Variants in ANKRD10 observed in about 807,000 individuals in gnomAD.
The protein encoded by ANKRD10 is ankyrin repeat domain-containing protein 10.
In ANKRD10, 14 loss-of-function variants were observed where a neutral mutation model predicts 27.0. That is an observed-to-expected ratio of 0.52 (90% CI 0.34 to 0.81). ANKRD10 has a LOEUF of 0.81. Among genes scored for constraint, ANKRD10 ranks in the 40% least tolerant of loss-of-function variants. ANKRD10 has a pLI of 0.01. For synonymous variants in ANKRD10, 250 were observed against 224.5 expected (o/e 1.11, Z -1.01); for missense variants, 493 against 544.0 (o/e 0.91, Z 0.93).
intron 2 of ANKRD10, among the ~76,000 whole-genome samples, chr13:110,909,633 C>T (rs945950875): frequency 1.3e-5 from 2 of 152,178 alleles, no homozygotes; most frequent in East Asian, 1.9e-4. Flanking sequence ...GGACAAACTG[C>T]CTTATAACTT....
intron 4 of ANKRD10, among the ~76,000 whole-genome samples, chr13:110,885,137 G>A (rs2064893430): frequency 6.6e-6 from 1 of 152,000 alleles, no homozygotes; most frequent in African/African-American, 2.4e-5. Context: ...GTGGATTTTA[G>A]TCTTATCCAT....
chr13:110,879,183 C>A lies in ANKRD10; in HGVS notation c.*454G>T, dbSNP rs2064764106. 1 of 182,918 alleles carries A rather than the reference C, an allele frequency of 5.5e-6. No individual in the cohort carries two copies. The highest frequency in any genetic ancestry group is 1.2e-4 in the South Asian group (1 of 8,410). The allele number at this position is 182,918 out of a possible 1,614,324, so 11.3% of individuals were successfully genotyped here. Reference sequence around the variant, plus strand: ...CTGCAGAAATCTTTGTAAGGCTGTACCTTGCATAGGGAAATAGCTGTGTTC... The same window carrying A: ...CTGCAGAAATCTTTGTAAGGCTGTAACTTGCATAGGGAAATAGCTGTGTTC... On this transcript the variant is annotated 3_prime_UTR_variant, in exon 6 of 6. Coordinates refer to ENST00000267339, the MANE Select transcript of ANKRD10 (RefSeq NM_017664.4).
intron 3 of ANKRD10, among the ~76,000 whole-genome samples, chr13:110,905,411 T>A (rs932585722): frequency 2.0e-5 from 3 of 152,212 alleles, no homozygotes; most frequent in Admixed American, 6.5e-5. Flanking sequence ...AGCTAACTGA[T>A]GTAAGCTGGG....
intron 4 of ANKRD10, among the ~76,000 whole-genome samples, chr13:110,886,025 AAC>A (rs2064920958): frequency 1.3e-5 from 2 of 152,250 alleles, no homozygotes. Context: ...GAGAAACAAA[AAC>A]ACAAGGTAAA....
At chr13:110,890,467 CTT>C (rs2065045410) in intron 4 of ANKRD10, among the ~76,000 whole-genome samples, 1 of 152,178 alleles carries the variant, frequency 6.6e-6, no homozygotes. Context: ...TAAACACACT[CTT>C]GTGACGAGTG....
chr13:110,898,881 G>A (rs991795387), intron 3 of ANKRD10, among the ~76,000 whole-genome samples: 1 of 149,154 alleles, frequency 6.7e-6, no homozygotes, highest in Non-Finnish European at 1.5e-5. Context: ...TCAGCCTCCC[G>A]AGTAGCTGGT....
chr13:110,902,961 A>G (rs553642104), intron 3 of ANKRD10, among the ~76,000 whole-genome samples: 55 of 152,354 alleles, frequency 3.6e-4, no homozygotes, highest in African/African-American at 1.3e-3. Flanking sequence ...CAGCTATTCC[A>G]AGGCCCGAAT....
intron 2 of ANKRD10, among the ~76,000 whole-genome samples, chr13:110,907,633 T>C (rs1052217723): frequency 3.3e-5 from 5 of 152,070 alleles, no homozygotes; most frequent in Non-Finnish European, 7.4e-5. Flanking sequence ...TATAAAGCAA[T>C]GTAAAGTTCT....
rs1393376394 is a variant in ANKRD10, at chr13:110,893,060, T to C, written c.659A>G (p.Glu220Gly). 1 of 1,614,114 alleles carries C rather than the reference T, an allele frequency of 6.2e-7. No homozygotes were observed. The highest frequency in any genetic ancestry group is 8.5e-7 in the Non-Finnish European group (1 of 1,180,036). The change falls in exon 4 of 6, where the codon GAA becomes GGA. Residue 220 changes from glutamate (E) to glycine (G), a missense_variant. Transcript: ENST00000267339. Reference sequence around the variant, plus strand: ...TCTAGCTTTCTTTACTCCAAAGTCTTCTGAGTCTTCCAAGCATCTCTTTCG... The same window carrying C: ...TCTAGCTTTCTTTACTCCAAAGTCTCCTGAGTCTTCCAAGCATCTCTTTCG... ...TNRKRCLEDSEDFGVKKARTE... is the reference protein window; with the variant it reads ...TNRKRCLEDSGDFGVKKARTE...
intron 3 of ANKRD10, among the ~76,000 whole-genome samples, chr13:110,897,823 T>G (rs1380565597): frequency 6.6e-6 from 1 of 152,244 alleles, no homozygotes; most frequent in East Asian, 1.9e-4. Context: ...TAACAGTGTT[T>G]AAACGTTCCT....
At chr13:110,908,862 G>A (rs2065612083) in intron 2 of ANKRD10, among the ~76,000 whole-genome samples, 1 of 152,162 alleles carries the variant, frequency 6.6e-6, no homozygotes, top group Admixed American at 6.5e-5. Context: ...GCTTTACAAT[G>A]CCAAATGATA....
In ANKRD10 at chr13:110,883,782, C is replaced by A. The variant is rs754861458; in HGVS notation, c.703G>T (p.Asp235Tyr). 10 of 1,614,104 alleles carry A rather than the reference C, an allele frequency of 6.2e-6. No homozygotes were observed. The highest frequency in any genetic ancestry group is 8.5e-6 in the Non-Finnish European group (10 of 1,180,002). Residue 235 changes from aspartate to tyrosine, a missense_variant, in exon 5 of 6, where the codon GAT (aspartate) becomes TAT (tyrosine). Physicochemically the swap from Asp to Tyr is radical, Grantham distance 160. Transcript: ENST00000267339. Reference protein sequence around the residue: ...KKARTEAQSLDSAVPLTNGDT... With the variant: ...KKARTEAQSLYSAVPLTNGDT... ...CCATTCGTGAGTGGCACGGCAGAAT[C>A]CAAGCTTTGAGCTGCACAGAAAACA...
chr13:110,913,653 G>T lies in ANKRD10; in HGVS notation c.210+1072C>A, dbSNP rs185311879. On this transcript the variant is annotated intron_variant, in intron 1 of 5. Coordinates refer to ENST00000267339, the MANE Select transcript of ANKRD10 (RefSeq NM_017664.4). The stretch of plus-strand genomic sequence containing the variant: ...AGCAAGGTAAACCGCAACTTCATCA[G>T]CTGGTAACGACATTACCAGGGCCAG... Among the ~76,000 whole-genome samples, 33 of 152,296 alleles carry T rather than the reference G, an allele frequency of 2.2e-4. No individual in the cohort carries two copies. The East Asian group carries it at 5.6e-3, about 26-fold the overall frequency.
At chr13:110,891,392 T>C (rs1422840053) in intron 4 of ANKRD10, among the ~76,000 whole-genome samples, 3 of 152,230 alleles carry the variant, frequency 2.0e-5, no homozygotes, top group African/African-American at 4.8e-5. Context: ...CATTTTGAAT[T>C]TTATGCAGAT....
At chr13:110,905,199 G>C (rs2065496118) in intron 3 of ANKRD10, 1 of 151,890 alleles carries the variant, frequency 6.6e-6, no homozygotes, top group Admixed American at 6.6e-5. Flanking sequence ...AACATTTAAG[G>C]GTGAAAACCG....
At chr13:110,890,965 T>G (rs1253210486) in intron 4 of ANKRD10, among the ~76,000 whole-genome samples, 1 of 152,198 alleles carries the variant, frequency 6.6e-6, no homozygotes, top group Non-Finnish European at 1.5e-5. Context: ...AGAAATGCTT[T>G]TCAGGGTAAT....
intron 3 of ANKRD10, among the ~76,000 whole-genome samples, chr13:110,904,506 T>G (rs1342643606): frequency 6.6e-6 from 1 of 152,260 alleles, no homozygotes; most frequent in African/African-American, 2.4e-5. Context: ...TAGAGTATTA[T>G]TTAGAAAGTC....
chr13:110,884,236 C>G (rs1328451809), intron 4 of ANKRD10, among the ~76,000 whole-genome samples: 1 of 151,928 alleles, frequency 6.6e-6, no homozygotes, highest in Non-Finnish European at 1.5e-5. Context: ...AATGTAAAGG[C>G]TAAGAGACTC....
chr13:110,892,021 C>G (rs2065087990), intron 4 of ANKRD10, among the ~76,000 whole-genome samples: 1 of 151,040 alleles, frequency 6.6e-6, no homozygotes, highest in Non-Finnish European at 1.5e-5. Flanking sequence ...CCTAAGACAT[C>G]TTATATATAG....
Sources: gnomAD v4.1 joint callset for allele counts (sites outside exome capture counted in the v4.1 genomes callset) on GRCh38, gnomAD v4.1.1 for gene constraint, MANE v1.5 for transcripts, NCBI Gene and HGNC (gene_info 2026-07-23, HGNC 2026-07-21) for gene names.